The following NSMCE2 variants were observed in gnomAD, a reference collection of about 807,000 sequenced individuals.
The protein encoded by NSMCE2 is NSE2 SUMO ligase component of SMC5/6 complex.
Under a neutral mutation model 23.8 loss-of-function variants are expected in NSMCE2, and 24 were observed. That is an observed-to-expected ratio of 1.01 (90% CI 0.73 to 1.42). The LOEUF (loss-of-function observed/expected upper bound fraction) is 1.42. Among genes scored for constraint, NSMCE2 ranks in the 40% most tolerant of loss-of-function variants. The probability of loss-of-function intolerance (pLI) is 0.00; values close to 1 mark genes in which losing one functional copy is unlikely to be tolerated. For synonymous variants in NSMCE2, 92 were observed against 94.1 expected (o/e 0.98, Z 0.13); for missense variants, 284 against 296.5 (o/e 0.96, Z 0.31).
chr8:125,315,634 A>G (rs1393763010), intron 5 of NSMCE2, among the ~76,000 whole-genome samples: 1 of 152,222 alleles, frequency 6.6e-6, no homozygotes, highest in African/African-American at 2.4e-5. Flanking sequence ...GCTAAAGGTT[A>G]GTTCCTTTCC....
At chr8:125,133,134 T>C (rs904730112) in intron 3 of NSMCE2, among the ~76,000 whole-genome samples, 6 of 152,214 alleles carry the variant, frequency 3.9e-5, no homozygotes, top group Admixed American at 3.3e-4. Context: ...TTAAAATCCA[T>C]TTTAAATTAA....
intron 4 of NSMCE2, among the ~76,000 whole-genome samples, chr8:125,173,522 A>T (rs1225259769): frequency 6.6e-6 from 1 of 152,222 alleles, no homozygotes; most frequent in Non-Finnish European, 1.5e-5. Flanking sequence ...CTTCTAGATG[A>T]TAGGGTATGT....
intron 5 of NSMCE2, among the ~76,000 whole-genome samples, chr8:125,231,149 A>G (rs1302167141): frequency 1.3e-5 from 2 of 152,240 alleles, no homozygotes; most frequent in Non-Finnish European, 2.9e-5. Flanking sequence ...TAAACCTTAC[A>G]GTCCTAGAAA....
Position 125,151,232 on chromosome 8 carries a change from G to A in NSMCE2, c.219G>A (p.Arg73=), listed in dbSNP as rs1251989059. 1 of 1,606,958 alleles carries A rather than the reference G, an allele frequency of 6.2e-7. No homozygotes were observed. Among genetic ancestry groups the A allele is most frequent in the East Asian group, 2.2e-5 (1 of 44,740 alleles). Residue 73 remains arginine, a synonymous_variant, in exon 4 of 8, where the codon CGG becomes CGA. Coordinates refer to ENST00000287437, the MANE Select transcript of NSMCE2 (RefSeq NM_173685.4). Reference sequence around the variant, plus strand: ...TGGTTGAATTTGCTACATTGGATCGGCAACTAAACCATTATGTAAAGGCTG... The same window carrying A: ...TGGTTGAATTTGCTACATTGGATCGACAACTAAACCATTATGTAAAGGCTG... ...KAMVEFATLD[R]QLNHYVKAVQ...
At chr8:125,218,338 C>T (rs969193970) in intron 5 of NSMCE2, among the ~76,000 whole-genome samples, 9 of 151,758 alleles carry the variant, frequency 5.9e-5, no homozygotes, top group Admixed American at 2.6e-4. Flanking sequence ...AGCAATTCCC[C>T]AAGTCACTGT....
intron 5 of NSMCE2, among the ~76,000 whole-genome samples, chr8:125,289,374 C>G (rs1294433086): frequency 6.6e-6 from 1 of 152,218 alleles, no homozygotes; most frequent in Non-Finnish European, 1.5e-5. Flanking sequence ...GCCCCTCTCT[C>G]AGCCAATCTG....
chr8:125,201,901 C>T (rs1317946328), intron 5 of NSMCE2, among the ~76,000 whole-genome samples: 4 of 152,156 alleles, frequency 2.6e-5, no homozygotes, highest in East Asian at 1.9e-4. Context: ...TTAGCAATGG[C>T]GGACACCCCA....
chr8:125,278,623 G>T (rs997051671), intron 5 of NSMCE2, among the ~76,000 whole-genome samples: 1 of 152,218 alleles, frequency 6.6e-6, no homozygotes, highest in African/African-American at 2.4e-5. Flanking sequence ...CCTCAGCAAT[G>T]AGTGTTGAAT....
chr8:125,204,300 G>T (rs1263081300), intron 5 of NSMCE2, among the ~76,000 whole-genome samples: 1 of 152,206 alleles, frequency 6.6e-6, no homozygotes, highest in Non-Finnish European at 1.5e-5. Context: ...CTGCCTGTTT[G>T]TTGGAGGTGT....
intron 4 of NSMCE2, among the ~76,000 whole-genome samples, chr8:125,170,593 T>G (rs1362978184): frequency 6.6e-6 from 1 of 151,734 alleles, no homozygotes; most frequent in Non-Finnish European, 1.5e-5. Flanking sequence ...TTTTTAGAAG[T>G]GATGGGGTTT....
chr8:125,301,633 T>C (rs1563772038), intron 5 of NSMCE2, among the ~76,000 whole-genome samples: 2 of 149,574 alleles, frequency 1.3e-5, no homozygotes, highest in South Asian at 4.2e-4. Context: ...CCACAAGACA[T>C]GAGTTTTCCA....
At chr8:125,104,952 G>A (rs1818384843) in intron 3 of NSMCE2, among the ~76,000 whole-genome samples, 1 of 152,214 alleles carries the variant, frequency 6.6e-6, no homozygotes, top group South Asian at 2.1e-4. Context: ...GAACATGGGA[G>A]AAGGGGGTTG....
intron 5 of NSMCE2, among the ~76,000 whole-genome samples, chr8:125,328,736 T>G (rs1829768116): frequency 6.6e-6 from 1 of 152,246 alleles, no homozygotes; most frequent in African/African-American, 2.4e-5. Flanking sequence ...AGTAGCAACC[T>G]TTTCATTCAT....
chr8:125,255,916 G>A (rs902020249), intron 5 of NSMCE2, among the ~76,000 whole-genome samples: 1 of 152,148 alleles, frequency 6.6e-6, no homozygotes, highest in African/African-American at 2.4e-5. Context: ...TTAAGACTGC[G>A]AGGGTGAGGA....
chr8:125,100,105 G>T (rs1293259532), intron 1 of NSMCE2, among the ~76,000 whole-genome samples: 1 of 152,050 alleles, frequency 6.6e-6, no homozygotes, highest in East Asian at 1.9e-4. Context: ...GATGCTGATA[G>T]GTGGAGAGGT....
chr8:125,142,922 G>T (rs60187894), intron 3 of NSMCE2, among the ~76,000 whole-genome samples: 3,575 of 152,276 alleles, frequency 0.023, 85 homozygotes, highest in Admixed American at 0.053. Flanking sequence ...TTTTAATTTT[G>T]CCACACTAAT....
Position 125,240,135 on chromosome 8 carries a change from T to TCTTTTTC in NSMCE2, c.418+57879_418+57880insCTTTTTC, listed in dbSNP as rs200237357. Among the ~76,000 whole-genome samples the TCTTTTTC allele has an allele frequency of 3.6e-4, 55 of 150,694 alleles. No individual in the cohort carries two copies. In the East Asian group the frequency reaches 0.01, roughly 28 times the overall value. On this transcript the variant is annotated intron_variant, in intron 5 of 7. Transcript: ENST00000287437. Reference sequence around the variant, plus strand: ...AGTGTGCAGTTTTTCTTTTTCTTTTTTTTTTTTTGAGACGGAGTCTTGCTC... The same window carrying TCTTTTTC: ...AGTGTGCAGTTTTTCTTTTTCTTTTTCTTTTTCTTTTTTTTGAGACGGAGTCTTGCTC...
intron 4 of NSMCE2, among the ~76,000 whole-genome samples, chr8:125,180,078 T>C (rs915643388): frequency 3.9e-5 from 6 of 152,212 alleles, no homozygotes. Flanking sequence ...AGCAATTTAT[T>C]TTCTAGGTCT....
chr8:125,113,068 G>T (rs1297608224), intron 3 of NSMCE2, among the ~76,000 whole-genome samples: 7 of 128,434 alleles, frequency 5.5e-5, no homozygotes, highest in African/African-American at 1.2e-4. Flanking sequence ...GGGGGGGGGG[G>T]TGAGTCAATA....
Sources: gnomAD v4.1 joint callset for allele counts (sites outside exome capture counted in the v4.1 genomes callset) on GRCh38, gnomAD v4.1.1 for gene constraint, MANE v1.5 for transcripts, NCBI Gene and HGNC (gene_info 2026-07-23, HGNC 2026-07-21) for gene names.